The following ADORA2B variants were observed in gnomAD, a reference collection of about 807,000 sequenced individuals.
ADORA2B encodes the protein adenosine A2b receptor.
A neutral mutation model predicts 20.8 loss-of-function variants in ADORA2B; 18 were observed. That is an observed-to-expected ratio of 0.87 (90% CI 0.60 to 1.29). ADORA2B has a LOEUF of 1.29. Ranked by LOEUF, ADORA2B falls within the 50% of genes most tolerant of loss-of-function variation. ADORA2B has a pLI of 0.00. For missense variants in ADORA2B, 441 were observed against 422.7 expected, an observed-to-expected ratio of 1.04 and a Z score of -0.38; for synonymous variants, 179 against 178.3, an observed-to-expected ratio of 1.00 and a Z score of -0.03.
Position 15,945,279 on chromosome 17 carries a change from G to C in ADORA2B, c.31G>C (p.Val11Leu). 6.6e-7 allele frequency: 1 copy of C among 1,523,372 alleles called. No individual in the cohort carries two copies. Among genetic ancestry groups the C allele is most frequent in the South Asian group, 1.2e-5 (1 of 80,506 alleles). The allele number at this position is 1,523,372 out of a possible 1,614,324, so 94.4% of individuals were successfully genotyped here. MLLETQDALY[V>L]ALELVIAALS... ...GCTGGAGACACAGGACGCGCTGTAC[G>C]TGGCGCTGGAGCTGGTCATCGCCGC... Residue 11 changes from valine to leucine, a missense_variant, in exon 1 of 2, where the codon GTG (valine) becomes CTG (leucine). Transcript: ENST00000304222.
At chr17:15,940,690 A>G (rs370933603), upstream of ADORA2B, among the ~76,000 whole-genome samples, 1 of 152,206 alleles carries the variant, frequency 6.6e-6, no homozygotes, top group Non-Finnish European at 1.5e-5. Context: ...GGAGGGTAAC[A>G]TATTTGGGAA....
the ADORA2B span, among the ~76,000 whole-genome samples, chr17:15,901,373 G>A: frequency 6.6e-6 from 1 of 151,908 alleles, no homozygotes; most frequent in East Asian, 1.9e-4. Flanking sequence ...GCTGAGGCAG[G>A]AGAATCCTTG....
At chr17:15,933,025 G>A in the ADORA2B span, among the ~76,000 whole-genome samples, 1 of 145,458 alleles carries the variant, frequency 6.9e-6, no homozygotes, top group East Asian at 2.0e-4. Context: ...GCACCATCTC[G>A]GCTCACTGCA....
At chr17:15,894,006 C>G in the ADORA2B span, among the ~76,000 whole-genome samples, 1 of 152,322 alleles carries the variant, frequency 6.6e-6, no homozygotes, top group Non-Finnish European at 1.5e-5. Context: ...TGAAAACAGG[C>G]TATAAGCCAG....
At chr17:15,866,706 G>A in the ADORA2B span, among the ~76,000 whole-genome samples, 2 of 147,826 alleles carry the variant, frequency 1.4e-5, no homozygotes, top group Admixed American at 6.7e-5. Flanking sequence ...TGCCTCTGCC[G>A]CTGCCGCTGC....
the ADORA2B span, among the ~76,000 whole-genome samples, chr17:15,863,345 A>T: frequency 0.092 from 13,886 of 151,106 alleles, 1,780 homozygotes; most frequent in African/African-American, 0.29. Flanking sequence ...ACCTTGAAAA[A>T]TTTTTTTTTA....
intron 1 of ADORA2B, among the ~76,000 whole-genome samples, chr17:15,946,345 C>T (rs1969806006): frequency 6.6e-6 from 1 of 152,234 alleles, no homozygotes; most frequent in Non-Finnish European, 1.5e-5. Flanking sequence ...TGGTGGCGAA[C>T]TTACTTGTCC....
At chr17:15,857,820 C>T in the ADORA2B span, among the ~76,000 whole-genome samples, 7 of 152,238 alleles carry the variant, frequency 4.6e-5, no homozygotes, top group Middle Eastern at 3.4e-3. Flanking sequence ...CTAATACACT[C>T]ACATACATGG....
chr17:15,971,165 G>A (rs1205025334), intron 1 of ADORA2B, among the ~76,000 whole-genome samples: 1 of 152,246 alleles, frequency 6.6e-6, no homozygotes, highest in Non-Finnish European at 1.5e-5. Flanking sequence ...GAGGAGTAAG[G>A]GCAGGCTGCT....
chr17:15,904,877 T>C, the ADORA2B span, among the ~76,000 whole-genome samples: 1 of 152,232 alleles, frequency 6.6e-6, no homozygotes, highest in African/African-American at 2.4e-5. Flanking sequence ...ATTTGTGTGG[T>C]TTTATTTCTG....
At chr17:15,883,381 T>C in the ADORA2B span, among the ~76,000 whole-genome samples, 2 of 152,232 alleles carry the variant, frequency 1.3e-5, no homozygotes, top group African/African-American at 4.8e-5. Context: ...TATGACTTAA[T>C]GTCTCTCCAC....
Position 15,945,357 on chromosome 17 carries a change from A to T in ADORA2B, c.109A>T (p.Thr37Ser), listed in dbSNP as rs544445549. ...LVCAAVGTANTLQTPTNYFLV... is the reference protein window; with the variant it reads ...LVCAAVGTANSLQTPTNYFLV... ...GTGCGCCGCGGTGGGCACGGCGAAC[A>T]CTCTGCAGACGCCCACCAACTACTT... Residue 37 changes from threonine to serine, a missense_variant, in exon 1 of 2, where the codon ACT (threonine) becomes TCT (serine). Transcript: ENST00000304222. 6.6e-5 allele frequency: 106 copies of T among 1,610,308 alleles called. 2 individuals carry two copies. In the South Asian group the frequency reaches 1.0e-3, roughly 15 times the overall value.
At chr17:15,910,302 CT>C in the ADORA2B span, among the ~76,000 whole-genome samples, 430 of 144,454 alleles carry the variant, frequency 3.0e-3, no homozygotes, top group Admixed American at 4.1e-3. Flanking sequence ...AATACGTAAA[CT>C]TTTTTTTTTT....
chr17:15,924,631 T>A, the ADORA2B span, among the ~76,000 whole-genome samples: 1 of 151,910 alleles, frequency 6.6e-6, no homozygotes. Context: ...TCCCAGCTAC[T>A]CAGGAGGCTG....
At chr17:15,918,629 G>T in the ADORA2B span, among the ~76,000 whole-genome samples, 4 of 151,992 alleles carry the variant, frequency 2.6e-5, no homozygotes, top group African/African-American at 9.7e-5. Context: ...GTGCCACCAC[G>T]CCCGTTTGAT....
At chr17:15,958,865 C>T (rs1445708399) in intron 1 of ADORA2B, among the ~76,000 whole-genome samples, 2 of 152,180 alleles carry the variant, frequency 1.3e-5, no homozygotes, top group Non-Finnish European at 2.9e-5. Flanking sequence ...GTTTGCCATC[C>T]TTTCTCTGTT....
chr17:15,956,964 T>C (rs1204963492), intron 1 of ADORA2B, among the ~76,000 whole-genome samples: 1 of 152,186 alleles, frequency 6.6e-6, no homozygotes, highest in Non-Finnish European at 1.5e-5. Context: ...GAACTTGGAA[T>C]GCCAAGGTAC....
intron 1 of ADORA2B, among the ~76,000 whole-genome samples, chr17:15,960,943 G>A (rs1160512552): frequency 6.8e-6 from 1 of 148,018 alleles, no homozygotes; most frequent in Admixed American, 6.8e-5. Flanking sequence ...CGAGGCGGGC[G>A]ATTCACGAGT....
At chr17:15,926,510 A>T in the ADORA2B span, among the ~76,000 whole-genome samples, 1 of 151,776 alleles carries the variant, frequency 6.6e-6, no homozygotes, top group East Asian at 2.0e-4. Context: ...GGGTGGGCAC[A>T]GTATGTCCAA....
Sources: allele counts gnomAD v4.1 joint callset (sites outside exome capture counted in the v4.1 genomes callset), GRCh38; gene constraint gnomAD v4.1.1; transcripts MANE v1.5; gene names NCBI Gene and HGNC (gene_info 2026-07-23, HGNC 2026-07-21).